INPP4B: variants seen among roughly 807,000 people sequenced by gnomAD.
INPP4B encodes inositol polyphosphate-4-phosphatase type II B.
INPP4B carries 55 observed loss-of-function variants against 122.5 expected under a neutral mutation model. That is an observed-to-expected ratio of 0.45 (90% confidence interval 0.36 to 0.56). The LOEUF (loss-of-function observed/expected upper bound fraction) is 0.56. Ranked by LOEUF, INPP4B falls within the 20% of genes least tolerant of loss-of-function variation. INPP4B has a pLI of 0.00. For missense variants in INPP4B, 1,000 were observed against 1,097.7 expected, an observed-to-expected ratio of 0.91 and a Z score of 1.26; for synonymous variants, 403 against 388.7, an observed-to-expected ratio of 1.04 and a Z score of -0.43.
At chr4:142,089,247 T>A (rs192641381) in intron 23 of INPP4B, among the ~76,000 whole-genome samples, 1 of 152,292 alleles carries the variant, frequency 6.6e-6, no homozygotes, top group Non-Finnish European at 1.5e-5. Flanking sequence ...CCCCTGAGCT[T>A]CTTTCTGAAG....
intron 1 of INPP4B, among the ~76,000 whole-genome samples, chr4:142,745,754 G>C (rs1217897836): frequency 6.6e-6 from 1 of 151,782 alleles, no homozygotes; most frequent in Non-Finnish European, 1.5e-5. Flanking sequence ...GTATAAACAG[G>C]AATCATAAGA....
In INPP4B at chr4:142,209,035, A is replaced by T; in HGVS notation, c.837-9T>A. ...CTTTTATCTCCTGGTTTCTGTTAAGAGTGGAAGAGAAGAGAAACTTTATTT... is the reference window on the plus strand; with the variant it reads ...CTTTTATCTCCTGGTTTCTGTTAAGTGTGGAAGAGAAGAGAAACTTTATTT... On this transcript the variant is annotated splice_polypyrimidine_tract_variant and intron_variant, in intron 12 of 25. Coordinates refer to ENST00000262992, the MANE Select transcript of INPP4B (RefSeq NM_001101669.3). The T allele has an allele frequency of 6.3e-7, 1 of 1,585,256 alleles. No individual in the cohort carries two copies. Among genetic ancestry groups the T allele is most frequent in the Non-Finnish European group, 8.6e-7 (1 of 1,162,454 alleles).
intron 2 of INPP4B, among the ~76,000 whole-genome samples, chr4:142,493,264 C>T (rs1480148642): frequency 6.6e-6 from 1 of 152,166 alleles, no homozygotes; most frequent in Non-Finnish European, 1.5e-5. Flanking sequence ...GCATGGAGAA[C>T]CCCTGTGGAA....
At chr4:142,585,668 G>C (rs1339812632) in intron 2 of INPP4B, among the ~76,000 whole-genome samples, 3 of 152,036 alleles carry the variant, frequency 2.0e-5, no homozygotes, top group Non-Finnish European at 4.4e-5. Flanking sequence ...CCAGAAAGCT[G>C]CTCACAGTTA....
intron 12 of INPP4B, among the ~76,000 whole-genome samples, chr4:142,235,750 A>G (rs898584296): frequency 2.0e-5 from 3 of 152,190 alleles, no homozygotes; most frequent in East Asian, 3.8e-4. Flanking sequence ...TATATTGTCT[A>G]TGTCTTCACA....
intron 14 of INPP4B, among the ~76,000 whole-genome samples, chr4:142,196,377 T>C (rs1365029255): frequency 6.6e-6 from 1 of 152,146 alleles, no homozygotes; most frequent in Non-Finnish European, 1.5e-5. Context: ...TCAAAGCCTA[T>C]TAAGCTTAAC....
intron 2 of INPP4B, among the ~76,000 whole-genome samples, chr4:142,672,213 G>A (rs1253059745): frequency 2.6e-5 from 4 of 152,148 alleles, no homozygotes; most frequent in African/African-American, 9.7e-5. Context: ...AAGTGTTTCT[G>A]TACTTATGTG....
chr4:142,466,100 A>G (rs1440811904), intron 2 of INPP4B, among the ~76,000 whole-genome samples: 1 of 152,132 alleles, frequency 6.6e-6, no homozygotes, highest in Non-Finnish European at 1.5e-5. Context: ...GAGATTCCAG[A>G]AAATATGGAA....
At chr4:142,494,937 T>A (rs535423588) in intron 2 of INPP4B, among the ~76,000 whole-genome samples, 2 of 152,156 alleles carry the variant, frequency 1.3e-5, no homozygotes, top group Non-Finnish European at 2.9e-5. Flanking sequence ...TTTAACAGCA[T>A]AAATTCGTGC....
chr4:142,341,438 A>G (rs1385632355), intron 7 of INPP4B, among the ~76,000 whole-genome samples: 1 of 152,206 alleles, frequency 6.6e-6, no homozygotes, highest in Non-Finnish European at 1.5e-5. Context: ...AGTAACATTT[A>G]GCTGTGAATC....
intron 1 of INPP4B, among the ~76,000 whole-genome samples, chr4:142,769,841 A>G (rs1225003221): frequency 6.6e-6 from 1 of 152,046 alleles, no homozygotes; most frequent in Non-Finnish European, 1.5e-5. Context: ...TTGAGCCAGG[A>G]AGACAGAGGT....
chr4:142,210,302 T>C (rs191843154), intron 12 of INPP4B, among the ~76,000 whole-genome samples: 1 of 152,242 alleles, frequency 6.6e-6, no homozygotes, highest in Non-Finnish European at 1.5e-5. Flanking sequence ...TTTGTTCCAA[T>C]GGGATTGCAA....
At chr4:142,137,210 G>T (rs935660024) in intron 18 of INPP4B, among the ~76,000 whole-genome samples, 2 of 151,748 alleles carry the variant, frequency 1.3e-5, no homozygotes, top group Admixed American at 1.3e-4. Flanking sequence ...GAACAGAACA[G>T]AGCCCTCAGA....
At chr4:142,217,746 G>A (rs762764066) in intron 12 of INPP4B, among the ~76,000 whole-genome samples, 3 of 152,122 alleles carry the variant, frequency 2.0e-5, no homozygotes, top group Admixed American at 6.6e-5. Context: ...CATTTGAATC[G>A]GTAGCCTCAA....
chr4:142,740,013 C>T lies in INPP4B; in HGVS notation c.-253-14112G>A, dbSNP rs556202163. Among the ~76,000 whole-genome samples, 90 of 152,120 alleles carry T rather than the reference C, an allele frequency of 5.9e-4. 2 individuals carry two copies. In the South Asian group the frequency reaches 0.017, roughly 28 times the overall value. On this transcript the variant is annotated intron_variant, in intron 1 of 25. Coordinates refer to ENST00000262992, the MANE Select transcript of INPP4B (RefSeq NM_001101669.3). Reference sequence around the variant, plus strand: ...ACTACTAGGTAGTTTATGTGCATAACGCACTAAAGCATGTATAAAACATAG... The same window carrying T: ...ACTACTAGGTAGTTTATGTGCATAATGCACTAAAGCATGTATAAAACATAG...
intron 2 of INPP4B, among the ~76,000 whole-genome samples, chr4:142,701,297 C>T (rs1483270815): frequency 6.6e-6 from 1 of 151,984 alleles, no homozygotes; most frequent in Non-Finnish European, 1.5e-5. Flanking sequence ...GCCAGCCTCT[C>T]CACAGTAGGA....
chr4:142,384,159 A>G (rs1489742317), intron 7 of INPP4B: 3 of 701,640 alleles, frequency 4.3e-6, no homozygotes, highest in Non-Finnish European at 2.6e-6. Flanking sequence ...AATCTGACAT[A>G]GCTTCTAAAA....
At chr4:142,149,060 T>C (rs1812335725) in intron 17 of INPP4B, among the ~76,000 whole-genome samples, 1 of 152,262 alleles carries the variant, frequency 6.6e-6, no homozygotes, top group Non-Finnish European at 1.5e-5. Context: ...TCAGCCTTGC[T>C]GGTCATGGCC....
chr4:142,444,956 T>C (rs966210301), intron 3 of INPP4B, among the ~76,000 whole-genome samples: 8 of 151,122 alleles, frequency 5.3e-5, no homozygotes, highest in African/African-American at 1.9e-4. Flanking sequence ...TAAGTGGGAG[T>C]TGAACAATGA....
Sources: allele counts gnomAD v4.1 joint callset (sites outside exome capture counted in the v4.1 genomes callset), GRCh38; gene constraint gnomAD v4.1.1; transcripts MANE v1.5; gene names NCBI Gene and HGNC (gene_info 2026-07-23, HGNC 2026-07-21).